CALD1: variants seen among roughly 807,000 people sequenced by gnomAD.
CALD1 encodes the protein caldesmon 1, also known as caldesmon.
CALD1 carries 33 observed loss-of-function variants against 99.9 expected under a neutral mutation model. That is an observed-to-expected ratio of 0.33 (90% CI 0.25 to 0.44). The LOEUF is 0.44. CALD1 is among the 20% of genes least tolerant of loss of function. The pLI, the probability that CALD1 is intolerant of heterozygous loss-of-function variation, is 1.00. For missense variants in CALD1, 861 were observed against 962.1 expected (o/e 0.89, Z 1.39); for synonymous variants, 310 against 325.0 (o/e 0.95, Z 0.50).
chr7:134,756,251 A>G (rs12670047), intron 1 of CALD1, among the ~76,000 whole-genome samples: 90,424 of 134,838 alleles, frequency 0.67, 31,213 homozygotes, highest in East Asian at 0.99. Context: ...CAGCCTGGGG[A>G]ACGAGAGTGA....
chr7:134,883,098 C>T (rs965943602), intron 3 of CALD1, among the ~76,000 whole-genome samples: 4 of 152,106 alleles, frequency 2.6e-5, no homozygotes, highest in Non-Finnish European at 4.4e-5. Flanking sequence ...ACTCAAAGTA[C>T]GTAAACCCAG....
chr7:134,937,529 C>T (rs1180843625), intron 6 of CALD1, among the ~76,000 whole-genome samples: 1 of 151,968 alleles, frequency 6.6e-6, no homozygotes, highest in Admixed American at 6.6e-5. Context: ...CTAGGTTTTC[C>T]CCTTTCCAGC....
chr7:134,855,782 G>C (rs1424450131), intron 2 of CALD1, among the ~76,000 whole-genome samples: 1 of 152,176 alleles, frequency 6.6e-6, no homozygotes, highest in African/African-American at 2.4e-5. Flanking sequence ...GAAAAATTAG[G>C]AATTGCAAAT....
intron 2 of CALD1, chr7:134,844,392 C>T (rs17801306): frequency 0.1 from 15,168 of 152,168 alleles, 828 homozygotes; most frequent in Non-Finnish European, 0.11. Context: ...CTAAGTACCC[C>T]TCACTTTCAA....
chr7:134,740,759 T>G (rs974197558), upstream of CALD1, among the ~76,000 whole-genome samples: 1 of 152,216 alleles, frequency 6.6e-6, no homozygotes, highest in African/African-American at 2.4e-5. Context: ...GTAACCTTTT[T>G]CGTGCTGCAC....
intron 6 of CALD1, among the ~76,000 whole-genome samples, chr7:134,938,423 G>C (rs924482872): frequency 3.3e-5 from 5 of 152,096 alleles, no homozygotes; most frequent in Admixed American, 1.3e-4. Context: ...AATATCTAGA[G>C]TTTCAAAACC....
intron 9 of CALD1, among the ~76,000 whole-genome samples, chr7:134,954,298 C>T (rs970301053): frequency 2.0e-5 from 3 of 151,974 alleles, no homozygotes; most frequent in Non-Finnish European, 2.9e-5. Flanking sequence ...TTTCTATTGC[C>T]TTTATTGGTT....
At chr7:134,845,217 C>G (rs1365414837) in intron 2 of CALD1, among the ~76,000 whole-genome samples, 6 of 151,984 alleles carry the variant, frequency 3.9e-5, no homozygotes, top group African/African-American at 1.5e-4. Context: ...AGAGAGTGTG[C>G]CTTTTACATC....
chr7:134,764,762 T>C (rs986706601), intron 1 of CALD1, among the ~76,000 whole-genome samples: 1 of 152,150 alleles, frequency 6.6e-6, no homozygotes, highest in Non-Finnish European at 1.5e-5. Flanking sequence ...CATGTGGGTC[T>C]GGAGCCAGAG....
intron 3 of CALD1, among the ~76,000 whole-genome samples, chr7:134,896,616 A>G (rs1802593246): frequency 1.3e-5 from 2 of 152,206 alleles, no homozygotes; most frequent in Non-Finnish European, 2.9e-5. Flanking sequence ...ACACTGGTTC[A>G]ATACCTGGTG....
At chr7:134,805,328 A>G (rs936883674) in intron 1 of CALD1, among the ~76,000 whole-genome samples, 7 of 152,224 alleles carry the variant, frequency 4.6e-5, no homozygotes, top group Middle Eastern at 3.4e-3. Context: ...ACTTTTCTGT[A>G]TCTTATTCTA....
chr7:134,863,840 GA>G (rs1041500436), intron 2 of CALD1, among the ~76,000 whole-genome samples: 9 of 150,384 alleles, frequency 6.0e-5, no homozygotes, highest in Non-Finnish European at 1.2e-4. Flanking sequence ...AGACAGAGAA[GA>G]AAAAAAAGTC....
chr7:134,802,631 CAGCTT>C (rs1393041601), intron 1 of CALD1, among the ~76,000 whole-genome samples: 1 of 152,204 alleles, frequency 6.6e-6, no homozygotes, highest in East Asian at 1.9e-4. Flanking sequence ...TGAAACATCA[CAGCTT>C]ATCCTAGCTT....
chr7:134,951,228 T>G (rs1807314813), intron 9 of CALD1, among the ~76,000 whole-genome samples: 2 of 152,228 alleles, frequency 1.3e-5, no homozygotes, highest in Admixed American at 6.5e-5. Context: ...TTTCAACATA[T>G]AAATGTTGGA....
chr7:134,770,271 C>A (rs948213750), intron 1 of CALD1, among the ~76,000 whole-genome samples: 1 of 152,178 alleles, frequency 6.6e-6, no homozygotes, highest in Admixed American at 6.5e-5. Context: ...ATTCTGGAAA[C>A]CAAACTGCAG....
chr7:134,779,565 T>C (rs1301791608), upstream of CALD1: 1 of 397,724 alleles, frequency 2.5e-6, no homozygotes, highest in Non-Finnish European at 4.4e-6. Context: ...ATAGGGGATA[T>C]GTGTTCACTT....
chr7:134,730,991 G>A, the CALD1 span, among the ~76,000 whole-genome samples: 17 of 151,844 alleles, frequency 1.1e-4, no homozygotes, highest in South Asian at 1.0e-3. Context: ...ATTCCATGCC[G>A]TCTACCCTAG....
At chr7:134,822,350 T>G (rs1465838958) in intron 1 of CALD1, among the ~76,000 whole-genome samples, 1 of 152,194 alleles carries the variant, frequency 6.6e-6, no homozygotes, top group Non-Finnish European at 1.5e-5. Flanking sequence ...CTTTATTTGG[T>G]GAATGATAAT....
chr7:134,963,145 T>TA (rs1808406410), intron 13 of CALD1, among the ~76,000 whole-genome samples: 1 of 152,188 alleles, frequency 6.6e-6, no homozygotes, highest in African/African-American at 2.4e-5. Flanking sequence ...AACAAAGCGA[T>TA]AATAGCTGCT....
Sources: allele counts gnomAD v4.1 joint callset (sites outside exome capture counted in the v4.1 genomes callset), GRCh38; gene constraint gnomAD v4.1.1; transcripts MANE v1.5; gene names NCBI Gene and HGNC (gene_info 2026-07-23, HGNC 2026-07-21).